EFCAB14: variants seen among roughly 807,000 people sequenced by gnomAD.
EFCAB14 encodes EF-hand calcium binding domain 14, also known as EF-hand calcium-binding domain-containing protein 14.
In EFCAB14, 43 loss-of-function variants were observed where a neutral mutation model predicts 56.5. That is an observed-to-expected ratio of 0.76 (90% CI 0.60 to 0.98). The LOEUF (loss-of-function observed/expected upper bound fraction) is 0.98. EFCAB14 is among the 50% of genes least tolerant of loss of function. EFCAB14 has a pLI of 0.00. For synonymous variants in EFCAB14, 235 were observed against 212.9 expected, an observed-to-expected ratio of 1.10 and a Z score of -0.90; for missense variants, 538 against 580.3, an observed-to-expected ratio of 0.93 and a Z score of 0.75.
intron 3 of EFCAB14, 46 bp from the exon 4 acceptor site, chr1:46,696,695 T>TTTTC: frequency 6.4e-7 from 1 of 1,574,386 alleles, no homozygotes; most frequent in Non-Finnish European, 8.7e-7. Flanking sequence ...TGAGAATTTG[T>TTTTC]AGAGGACACG....
chr1:46,682,323 T>G (rs1676808939), intron 10 of EFCAB14: 1 of 152,100 alleles, frequency 6.6e-6, no homozygotes, highest in African/African-American at 2.4e-5. Context: ...CAGAGGAAGG[T>G]GTGGTGGACA....
At chr1:46,709,393 C>G (rs1677276431) in intron 2 of EFCAB14, among the ~76,000 whole-genome samples, 1 of 152,084 alleles carries the variant, frequency 6.6e-6, no homozygotes, top group African/African-American at 2.4e-5. Flanking sequence ...ACCACTTTGG[C>G]CTAGTTCATT....
At position 46,676,420 on chromosome 1, in the gene EFCAB14, GTA is replaced by G. The variant is rs1274424659; in HGVS notation, c.*2039_*2040del. The G allele has an allele frequency of 1.3e-5, 2 of 152,490 alleles. No homozygotes were observed. The highest frequency in any genetic ancestry group is 2.9e-5 in the Non-Finnish European group (2 of 68,026). 9.4% of individuals were successfully genotyped at this position (152,490 alleles called of 1,614,324 possible). On this transcript the variant is annotated 3_prime_UTR_variant, in exon 11 of 11. Transcript: ENST00000371933. ...AACAAAGAGTTAAGGTGTCTTCAAA[GTA>G]TCTGCCTATGAATAAGAATTTGAAA... is the stretch of plus-strand genomic sequence containing the variant.
intron 1 of EFCAB14, among the ~76,000 whole-genome samples, chr1:46,716,797 A>C (rs1677403184): frequency 6.6e-6 from 1 of 152,232 alleles, no homozygotes; most frequent in Non-Finnish European, 1.5e-5. Flanking sequence ...TCTGCACTGG[A>C]ATTTGCCTAT....
intron 4 of EFCAB14, among the ~76,000 whole-genome samples, chr1:46,693,772 C>A (rs910234729): frequency 6.6e-6 from 1 of 152,106 alleles, no homozygotes; most frequent in Admixed American, 6.5e-5. Flanking sequence ...AACTAGTATT[C>A]CCATCAACAG....
At chr1:46,695,827 G>A (rs901954973) in intron 4 of EFCAB14, among the ~76,000 whole-genome samples, 6 of 152,072 alleles carry the variant, frequency 3.9e-5, no homozygotes, top group Non-Finnish European at 7.4e-5. Flanking sequence ...CTACAGTTGT[G>A]TGCCACCATG....
chr1:46,718,092 T>G lies in EFCAB14; in HGVS notation c.-5A>C, dbSNP rs1263326993. On this transcript the variant is annotated 5_prime_UTR_variant, in exon 1 of 11. Coordinates refer to ENST00000371933, the MANE Select transcript of EFCAB14 (RefSeq NM_014774.3). ...GAGCTCTTTGCGCTTTTTCATCTTT[T>G]TGTGTGGGGTGAGTGGAGCCCCGAC... 1 of 1,613,330 alleles carries G rather than the reference T, an allele frequency of 6.2e-7. No individual in the cohort carries two copies. Among genetic ancestry groups the G allele is most frequent in the Non-Finnish European group, 8.5e-7 (1 of 1,179,458 alleles).
At chr1:46,680,419 A>C (rs1676774323) in intron 10 of EFCAB14, among the ~76,000 whole-genome samples, 1 of 152,254 alleles carries the variant, frequency 6.6e-6, no homozygotes. Context: ...ACATGAATAG[A>C]CCATAAAAAC....
intron 10 of EFCAB14, among the ~76,000 whole-genome samples, chr1:46,682,523 G>C (rs1312891905): frequency 1.3e-5 from 2 of 151,926 alleles, no homozygotes; most frequent in South Asian, 2.1e-4. Context: ...TGACAAACAG[G>C]GTCAACTTTT....
rs199665300 is a variant in EFCAB14 at position 46,695,366 on chromosome 1, T to C, written c.579+1185A>G. ...GCCTCATCAGAGTTGTCCCTACCCC[T>C]TTTTTTTCCCCCCGAATTTGTAAGT... On this transcript the variant is annotated intron_variant, in intron 4 of 10. Coordinates refer to ENST00000371933, the MANE Select transcript of EFCAB14 (RefSeq NM_014774.3). 7.8e-4 allele frequency among the ~76,000 whole-genome samples: 99 copies of C among 126,892 alleles called. 1 individual carries two copies. The highest frequency in any genetic ancestry group is 3.0e-3 in the African/African-American group (74 of 24,452). 83.2% of individuals were successfully genotyped at this position (126,892 alleles called of 152,430 possible).
intron 6 of EFCAB14, 116 bp downstream of exon 6, chr1:46,689,471 G>A: frequency 2.2e-6 from 2 of 906,084 alleles, no homozygotes; most frequent in South Asian, 3.1e-5. Context: ...CAGCTCCCAG[G>A]CAGGCAAATA....
intron 3 of EFCAB14, among the ~76,000 whole-genome samples, chr1:46,699,692 T>C (rs925614585): frequency 7.2e-5 from 11 of 152,186 alleles, no homozygotes; most frequent in African/African-American, 2.7e-4. Context: ...ACAACTATCT[T>C]ATAAGGATAC....
At chr1:46,703,837 T>C (rs1677195484) in intron 3 of EFCAB14, among the ~76,000 whole-genome samples, 1 of 152,228 alleles carries the variant, frequency 6.6e-6, no homozygotes. Flanking sequence ...CATGTGTTGA[T>C]GAATGACTGC....
At chr1:46,694,706 G>A (rs565902052) in intron 4 of EFCAB14, among the ~76,000 whole-genome samples, 41 of 152,290 alleles carry the variant, frequency 2.7e-4, no homozygotes, top group South Asian at 1.0e-3. Context: ...AATACCATTT[G>A]ACCCAGCCAT....
intron 2 of EFCAB14, among the ~76,000 whole-genome samples, chr1:46,714,319 T>G (rs1422536737): frequency 6.6e-6 from 1 of 152,164 alleles, no homozygotes; most frequent in African/African-American, 2.4e-5. Context: ...GTGGTCAGTT[T>G]CCTGGTGTGC....
intron 9 of EFCAB14, 123 bp downstream of exon 9, chr1:46,684,368 G>T: frequency 1.4e-6 from 1 of 709,832 alleles, no homozygotes; most frequent in Non-Finnish European, 2.4e-6. Context: ...GCTTCATCTC[G>T]GTGCGTTCAG....
At chr1:46,712,694 GA>G (rs999816433) in intron 2 of EFCAB14, among the ~76,000 whole-genome samples, 2 of 151,320 alleles carry the variant, frequency 1.3e-5, no homozygotes, top group African/African-American at 2.4e-5. Context: ...TGAAAAACAA[GA>G]AAAAAAAATT....
rs1174256050 is a variant in EFCAB14 at position 46,678,206 on chromosome 1, AT to A, written c.*254del. ...GGAAAGAGAAAAAAAGAGGGCTTTA[AT>A]TTTTTTTCTGGCAATTTTAAAATGT... On this transcript the variant is annotated 3_prime_UTR_variant, in exon 11 of 11. Coordinates refer to ENST00000371933, the MANE Select transcript of EFCAB14 (RefSeq NM_014774.3). 5 of 325,160 alleles carry A rather than the reference AT, an allele frequency of 1.5e-5. No individual in the cohort carries two copies. Among genetic ancestry groups the A allele is most frequent in the East Asian group, 5.9e-5 (1 of 17,038 alleles). The allele number at this position is 325,160 out of a possible 1,614,324, so 20.1% of individuals were successfully genotyped here. A position where few individuals can be genotyped will look rare whatever the true frequency, so the allele number is the denominator to read the frequency against.
chr1:46,685,625 C>T (rs896627582), intron 8 of EFCAB14, among the ~76,000 whole-genome samples: 4 of 151,920 alleles, frequency 2.6e-5, no homozygotes, highest in African/African-American at 4.8e-5. Flanking sequence ...TGATACCCTG[C>T]GATGACAGTT....
Sources: allele counts gnomAD v4.1 joint callset (sites outside exome capture counted in the v4.1 genomes callset), GRCh38; gene constraint gnomAD v4.1.1; transcripts MANE v1.5; gene names NCBI Gene and HGNC (gene_info 2026-07-23, HGNC 2026-07-21).